Variants in ZBTB5 observed in about 807,000 individuals in gnomAD.
ZBTB5 encodes the protein zinc finger and BTB domain containing 5.
Under a neutral mutation model 37.9 loss-of-function variants are expected in ZBTB5, and 15 were observed. The observed-to-expected ratio is 0.40, with a 90% CI of 0.26 to 0.61. The LOEUF is 0.61. ZBTB5 is among the 20% of genes least tolerant of loss of function. ZBTB5 has a pLI of 0.47. For synonymous variants in ZBTB5, 315 were observed against 312.4 expected, an observed-to-expected ratio of 1.01 and a Z score of -0.09; for missense variants, 708 against 856.8, an observed-to-expected ratio of 0.83 and a Z score of 2.17.
intron 1 of ZBTB5, among the ~76,000 whole-genome samples, chr9:37,459,712 ATTTTTTTT>A (rs35037575): frequency 1.7e-5 from 2 of 119,898 alleles, no homozygotes; most frequent in Non-Finnish European, 3.5e-5. Flanking sequence ...TGCCCAGCTA[ATTTTTTTT>A]TTTTTTTTTG....
At position 37,440,652 on chromosome 9, in the gene ZBTB5, C is replaced by T. The variant is rs764096974; in HGVS notation, c.1900G>A (p.Val634Ile). The change falls in exon 2 of 2, where the codon GTT becomes ATT. Residue 634 changes from valine (V) to isoleucine (I), a missense_variant. Around this residue, in one of 3 missense-constraint regions of ZBTB5, gnomAD observed 42 missense variants for 107.9 expected, o/e 0.39. Coordinates refer to ENST00000307750, the MANE Select transcript of ZBTB5 (RefSeq NM_014872.3). ...GCGTAAGGCTTTTCACCTGTGTGAA[C>T]ACGGATGTGCTTCTTGCAATCTGTC... ...TLTDCKKHIR[V>I]HTGEKPYACL... 9 of 1,614,258 alleles carry T rather than the reference C, an allele frequency of 5.6e-6. No homozygotes were observed. The highest frequency in any genetic ancestry group is 6.8e-6 in the Non-Finnish European group (8 of 1,180,056).
chr9:37,461,034 T>TA (rs1824283620), intron 1 of ZBTB5, among the ~76,000 whole-genome samples: 1 of 152,240 alleles, frequency 6.6e-6, no homozygotes, highest in Non-Finnish European at 1.5e-5. Flanking sequence ...CAAAGCAGTA[T>TA]ATGCCTTCAC....
intron 1 of ZBTB5, among the ~76,000 whole-genome samples, chr9:37,455,929 CG>C (rs1420662423): frequency 1.3e-5 from 2 of 151,518 alleles, no homozygotes; most frequent in African/African-American, 4.9e-5. Context: ...CCACAGGCTC[CG>C]GAAGTGCAGG....
At position 37,465,299 on chromosome 9, in the gene ZBTB5, G is replaced by A. The variant is rs1824372819; in HGVS notation, c.-89C>T. 4 of 152,012 alleles carry A rather than the reference G, an allele frequency of 2.6e-5. No individual in the cohort carries two copies. Among genetic ancestry groups the A allele is most frequent in the Admixed American group, 2.6e-4 (4 of 15,266 alleles). 9.4% of individuals were successfully genotyped at this position (152,012 alleles called of 1,614,324 possible). A position where few individuals can be genotyped will look rare whatever the true frequency, so the allele number is the denominator to read the frequency against. Reference sequence around the variant, plus strand: ...GGACTCGGCAGTGTCAGAGGAGGTGGGAACGTCCTGACCAGCGTCTCCGTT... The same window carrying A: ...GGACTCGGCAGTGTCAGAGGAGGTGAGAACGTCCTGACCAGCGTCTCCGTT... On this transcript the variant is annotated 5_prime_UTR_variant, in exon 1 of 2. Coordinates refer to ENST00000307750, the MANE Select transcript of ZBTB5 (RefSeq NM_014872.3).
intron 1 of ZBTB5, among the ~76,000 whole-genome samples, chr9:37,457,172 T>C (rs1043130647): frequency 6.6e-6 from 1 of 152,228 alleles, no homozygotes; most frequent in Non-Finnish European, 1.5e-5. Flanking sequence ...TCAAGGGACC[T>C]CAACAGCCCA....
chr9:37,442,878 G>A (rs571980906), intron 1 of ZBTB5, among the ~76,000 whole-genome samples: 1 of 152,320 alleles, frequency 6.6e-6, no homozygotes, highest in East Asian at 1.9e-4. Flanking sequence ...TCCCACAGAA[G>A]TTTGTTAGAA....
chr9:37,450,927 G>C (rs1588779522), intron 1 of ZBTB5, among the ~76,000 whole-genome samples: 1 of 151,744 alleles, frequency 6.6e-6, no homozygotes, highest in Non-Finnish European at 1.5e-5. Flanking sequence ...ATTACCAAAA[G>C]AATTAGCTAA....
chr9:37,459,753 C>T (rs547297267), intron 1 of ZBTB5, among the ~76,000 whole-genome samples: 21 of 147,516 alleles, frequency 1.4e-4, no homozygotes, highest in East Asian at 1.3e-3. Context: ...CTCTGTTGCC[C>T]AGGCTGGAGT....
intron 1 of ZBTB5, among the ~76,000 whole-genome samples, chr9:37,458,087 A>C (rs1824225138): frequency 6.6e-6 from 1 of 152,226 alleles, no homozygotes; most frequent in Non-Finnish European, 1.5e-5. Context: ...CATAAAAGTA[A>C]TTTACTGAAA....
chr9:37,452,387 G>A (rs1824120053), intron 1 of ZBTB5, among the ~76,000 whole-genome samples: 1 of 152,130 alleles, frequency 6.6e-6, no homozygotes, highest in Non-Finnish European at 1.5e-5. Context: ...TTTGATATAT[G>A]TTTTGGCCAT....
intron 1 of ZBTB5, among the ~76,000 whole-genome samples, chr9:37,459,879 T>A (rs1339921050): frequency 1.3e-5 from 2 of 151,678 alleles, no homozygotes; most frequent in Non-Finnish European, 2.9e-5. Flanking sequence ...CCTGGCTAAT[T>A]TTTTGTATTT....
Position 37,440,377 on chromosome 9 carries a change from GTTAGTTCTCCGGTTA to G in ZBTB5, c.*126_*140del. The G allele has an allele frequency of 1.5e-6, 1 of 666,102 alleles. No individual in the cohort carries two copies. The highest frequency in any genetic ancestry group is 2.5e-6 in the Non-Finnish European group (1 of 395,754). 41.3% of individuals were successfully genotyped at this position (666,102 alleles called of 1,614,324 possible). A position where few individuals can be genotyped will look rare whatever the true frequency, so the allele number is the denominator to read the frequency against. On this transcript the variant is annotated 3_prime_UTR_variant, in exon 2 of 2. Coordinates refer to ENST00000307750, the MANE Select transcript of ZBTB5 (RefSeq NM_014872.3). Reference sequence around the variant, plus strand: ...AAATGCAGCAGCACAAATACTACATGTTAGTTCTCCGGTTATTAGTTGCTAAACTGTTTAAGAGCC... The same window carrying G: ...AAATGCAGCAGCACAAATACTACATGTTAGTTGCTAAACTGTTTAAGAGCC...
At chr9:37,442,644 T>C (rs1454161594) in intron 1 of ZBTB5, 89 bp from the exon 2 acceptor site, 2 of 1,041,714 alleles carry the variant, frequency 1.9e-6, no homozygotes, top group Non-Finnish European at 2.8e-6. Flanking sequence ...GTGGAATGGA[T>C]GGCCAAGCTT....
rs560014698 is a variant in ZBTB5, at chr9:37,448,769, G to A, written c.-4-6214C>T. Reference sequence around the variant, plus strand: ...AAAATAGTAATAAACGATTACAGCCGGGCACAGTGGCTCACGCCTGTAATC... The same window carrying A: ...AAAATAGTAATAAACGATTACAGCCAGGCACAGTGGCTCACGCCTGTAATC... On this transcript the variant is annotated intron_variant, in intron 1 of 1. Coordinates refer to ENST00000307750, the MANE Select transcript of ZBTB5 (RefSeq NM_014872.3). 7.2e-5 allele frequency among the ~76,000 whole-genome samples: 11 copies of A among 152,326 alleles called. No homozygotes were observed. In the South Asian group the frequency reaches 2.1e-3, roughly 29 times the overall value.
chr9:37,463,741 A>C (rs1452332586), intron 1 of ZBTB5, among the ~76,000 whole-genome samples: 2 of 152,188 alleles, frequency 1.3e-5, no homozygotes, highest in African/African-American at 4.8e-5. Flanking sequence ...GAGACATATC[A>C]ATTAACCAAA....
In ZBTB5 at chr9:37,440,011, GGACTAGCTCAT is replaced by G; in HGVS notation, c.*496_*506del. The G allele has an allele frequency of 6.2e-6, 1 of 161,290 alleles. No individual in the cohort carries two copies. Among genetic ancestry groups the G allele is most frequent in the East Asian group, 1.8e-4 (1 of 5,494 alleles). The allele number at this position is 161,290 out of a possible 1,614,324, so 10.0% of individuals were successfully genotyped here. On this transcript the variant is annotated 3_prime_UTR_variant, in exon 2 of 2. Transcript: ENST00000307750. ...AAAAAATACAGTACTTTGAGGCCTA[GGACTAGCTCAT>G]GATACACTTTAAAGCATTTGTGGCA...
In ZBTB5 at chr9:37,438,342, T is replaced by C. The variant is rs1361491854; in HGVS notation, c.*2176A>G. ...AGATCATAGGAACCCTGGGACTGGTTTTCCAGGGAACCCTGGAATTATTTT... is the reference window on the plus strand; with the variant it reads ...AGATCATAGGAACCCTGGGACTGGTCTTCCAGGGAACCCTGGAATTATTTT... On this transcript the variant is annotated 3_prime_UTR_variant, in exon 2 of 2. Coordinates refer to ENST00000307750, the MANE Select transcript of ZBTB5 (RefSeq NM_014872.3). The C allele has an allele frequency of 6.6e-6, 1 of 152,568 alleles. No individual in the cohort carries two copies. Among genetic ancestry groups the C allele is most frequent in the Non-Finnish European group, 1.5e-5 (1 of 68,030 alleles). The allele number at this position is 152,568 out of a possible 1,614,324, so 9.5% of individuals were successfully genotyped here. A position where few individuals can be genotyped will look rare whatever the true frequency, so the allele number is the denominator to read the frequency against.
chr9:37,450,257 T>G (rs1221261165), intron 1 of ZBTB5, among the ~76,000 whole-genome samples: 3 of 152,114 alleles, frequency 2.0e-5, no homozygotes, highest in Non-Finnish European at 4.4e-5. Context: ...GTCCCAAATT[T>G]TCTTGGCCCG....
chr9:37,441,062 T>G lies in ZBTB5; in HGVS notation c.1490A>C (p.Gln497Pro). 1 of 1,614,128 alleles carries G rather than the reference T, an allele frequency of 6.2e-7. No individual in the cohort carries two copies. Among genetic ancestry groups the G allele is most frequent in the Non-Finnish European group, 8.5e-7 (1 of 1,180,020 alleles). ...GTCCATCCCAAACTGTTCTCCTCCT[T>G]GGTAGCCTGAAGTCTGCACACACGG... The part of the protein sequence containing the change: ...GLPCVQTSGY[Q>P]GGEQFGMDFS... Residue 497 changes from glutamine to proline, a missense_variant, in exon 2 of 2, where the codon CAA becomes CCA. Physicochemically the swap from Gln to Pro is moderately conservative, Grantham distance 76. Transcript: ENST00000307750.
Sources: gnomAD v4.1 joint callset for allele counts (sites outside exome capture counted in the v4.1 genomes callset) on GRCh38, gnomAD v4.1.1 for gene constraint, gnomAD v4.1.1 regional missense constraint, MANE v1.5 for transcripts, NCBI Gene and HGNC (gene_info 2026-07-23, HGNC 2026-07-21) for gene names.